Variants in STPG4 observed in about 807,000 individuals in gnomAD.
STPG4 encodes the protein sperm-tail PG-rich repeat containing 4, also known as protein STPG4.
In STPG4, 41 loss-of-function variants were observed where a neutral mutation model predicts 31.5. The observed-to-expected ratio is 1.30, with a 90% CI of 1.01 to 1.69. The LOEUF is 1.69. Ranked by LOEUF, STPG4 falls within the 40% of genes most tolerant of loss-of-function variation. The pLI, the probability that STPG4 is intolerant of heterozygous loss-of-function variation, is 0.00. For synonymous variants in STPG4, 141 were observed against 103.0 expected, an observed-to-expected ratio of 1.37 and a Z score of -2.24; for missense variants, 375 against 293.4, an observed-to-expected ratio of 1.28 and a Z score of -2.03.
At chr2:47,116,149 C>A (rs1686148707) in intron 5 of STPG4, among the ~76,000 whole-genome samples, 1 of 152,192 alleles carries the variant, frequency 6.6e-6, no homozygotes, top group African/African-American at 2.4e-5. Flanking sequence ...GGGCCTATGT[C>A]CAGTGGCTGG....
At chr2:47,099,066 T>C (rs1303244973) in intron 5 of STPG4, among the ~76,000 whole-genome samples, 1 of 152,136 alleles carries the variant, frequency 6.6e-6, no homozygotes, top group Non-Finnish European at 1.5e-5. Flanking sequence ...AGAGAGAAAA[T>C]ATGACGGTCT....
chr2:47,118,013 G>A (rs1300297846), intron 5 of STPG4, among the ~76,000 whole-genome samples: 1 of 151,840 alleles, frequency 6.6e-6, no homozygotes, highest in Non-Finnish European at 1.5e-5. Flanking sequence ...CTCCCACCTT[G>A]GCCTCCCAGC....
At chr2:47,142,349 A>G (rs187078495) in intron 3 of STPG4, among the ~76,000 whole-genome samples, 372 of 152,260 alleles carry the variant, frequency 2.4e-3, no homozygotes, top group Non-Finnish European at 4.2e-3. Context: ...TCCATCTTCC[A>G]AGGCAATGCT....
chr2:47,094,506 T>G (rs1685632434), intron 5 of STPG4, among the ~76,000 whole-genome samples: 1 of 152,244 alleles, frequency 6.6e-6, no homozygotes, highest in Non-Finnish European at 1.5e-5. Flanking sequence ...CAACGGGAGC[T>G]GTAAGGATTA....
At chr2:47,099,131 T>C (rs1033400794) in intron 5 of STPG4, among the ~76,000 whole-genome samples, 5 of 152,238 alleles carry the variant, frequency 3.3e-5, no homozygotes, top group Admixed American at 6.5e-5. Flanking sequence ...ATCACAAACC[T>C]GCCCCACCTC....
intron 5 of STPG4, chr2:47,129,577 T>A (rs1361587422): frequency 4.7e-6 from 1 of 212,476 alleles, no homozygotes; most frequent in Non-Finnish European, 9.4e-6. Context: ...GGTGTTCCCG[T>A]GCAAAGTCCC....
In STPG4 at chr2:47,151,431, T is replaced by C. The variant is rs535386143; in HGVS notation, c.226A>G (p.Lys76Glu). 4.3e-6 allele frequency: 7 copies of C among 1,614,212 alleles called. No individual in the cohort carries two copies. The South Asian group carries it at 7.7e-5, about 18-fold the overall frequency. ...LNPVIATYNF[K>E]NEGRKKPPLV... ...GGTGGCTTTTTCCTTCCTTCGTTTT[T>C]AAAATTGTAGGTTGCTATCACTGGA... The change falls in exon 3 of 7, where the codon AAA becomes GAA. Residue 76 changes from lysine to glutamate, a missense_variant. Transcript: ENST00000445927.
intron 5 of STPG4, among the ~76,000 whole-genome samples, chr2:47,111,318 C>T (rs1242165004): frequency 2.0e-5 from 3 of 152,128 alleles, no homozygotes; most frequent in Non-Finnish European, 2.9e-5. Context: ...CATATATGTT[C>T]AAAGAAGTAG....
At chr2:47,151,892 C>T (rs1017250707) in intron 2 of STPG4, among the ~76,000 whole-genome samples, 4 of 150,488 alleles carry the variant, frequency 2.7e-5, no homozygotes, top group Non-Finnish European at 4.4e-5. Flanking sequence ...AGGCATCAGC[C>T]ACTACGCCCG....
intron 5 of STPG4, among the ~76,000 whole-genome samples, chr2:47,103,767 G>C (rs544160026): frequency 6.6e-6 from 1 of 152,122 alleles, no homozygotes; most frequent in African/African-American, 2.4e-5. Flanking sequence ...TCCAACAACA[G>C]GACTGAGGGT....
intron 5 of STPG4, among the ~76,000 whole-genome samples, chr2:47,094,148 A>C (rs1685626600): frequency 6.6e-6 from 1 of 152,216 alleles, no homozygotes. Flanking sequence ...ACGTGTGCAG[A>C]GGGAGGCCTC....
chr2:47,091,243 T>C (rs1334934975), intron 5 of STPG4, among the ~76,000 whole-genome samples: 3 of 152,184 alleles, frequency 2.0e-5, no homozygotes, highest in African/African-American at 7.2e-5. Context: ...CTTATGATGC[T>C]GGCAGAAGCA....
At chr2:47,094,251 T>C (rs954046341) in intron 5 of STPG4, among the ~76,000 whole-genome samples, 1 of 152,236 alleles carries the variant, frequency 6.6e-6, no homozygotes, top group Non-Finnish European at 1.5e-5. Context: ...TTGGCAACTG[T>C]GGGTTTACCA....
chr2:47,151,544 T>C (rs1400560971), intron 2 of STPG4, 29 bp from the exon 3 acceptor site: 2 of 1,604,110 alleles, frequency 1.2e-6, no homozygotes, highest in East Asian at 2.2e-5. Context: ...AGTTTTAAGA[T>C]TGTGTAAACA....
At chr2:47,121,333 G>A (rs1686268975) in intron 5 of STPG4, among the ~76,000 whole-genome samples, 1 of 152,132 alleles carries the variant, frequency 6.6e-6, no homozygotes, top group Non-Finnish European at 1.5e-5. Context: ...GGCCTTTACT[G>A]AAAACTGGAA....
intron 3 of STPG4, among the ~76,000 whole-genome samples, chr2:47,140,190 G>T (rs1686674740): frequency 1.3e-5 from 2 of 152,146 alleles, no homozygotes; most frequent in African/African-American, 4.8e-5. Flanking sequence ...TCACCCTTAG[G>T]TGGCACAGGA....
At chr2:47,127,407 T>C (rs574865911) in intron 5 of STPG4, among the ~76,000 whole-genome samples, 71 of 152,170 alleles carry the variant, frequency 4.7e-4, no homozygotes, top group African/African-American at 1.5e-3. Context: ...TAGCAGGGAT[T>C]ACAGGTGTGC....
chr2:47,149,508 T>G (rs1483274548), intron 3 of STPG4, among the ~76,000 whole-genome samples: 1 of 152,256 alleles, frequency 6.6e-6, no homozygotes, highest in African/African-American at 2.4e-5. Context: ...ATGCATCCAC[T>G]GAAGCAAACA....
At chr2:47,091,981 A>G (rs1394586616) in intron 5 of STPG4, among the ~76,000 whole-genome samples, 5 of 150,040 alleles carry the variant, frequency 3.3e-5, no homozygotes, top group Non-Finnish European at 7.4e-5. Flanking sequence ...TATAGACGTA[A>G]CAACTACTCC....
Sources: gnomAD v4.1 joint callset for allele counts (sites outside exome capture counted in the v4.1 genomes callset) on GRCh38, gnomAD v4.1.1 for gene constraint, MANE v1.5 for transcripts, NCBI Gene and HGNC (gene_info 2026-07-23, HGNC 2026-07-21) for gene names.